Variants in PCCA observed in about 807,000 individuals in gnomAD.
PCCA encodes the protein propionyl-CoA carboxylase alpha chain, mitochondrial.
A neutral mutation model predicts 101.3 loss-of-function variants in PCCA; 74 were observed. The ratio of observed to expected loss-of-function variants is 0.73; its 90% confidence interval spans 0.61 to 0.89. PCCA has a LOEUF of 0.89. Among genes scored for constraint, PCCA ranks in the 40% least tolerant of loss-of-function variants. PCCA has a pLI of 0.00. For missense variants in PCCA, 891 were observed against 907.0 expected, an observed-to-expected ratio of 0.98 and a Z score of 0.23; for synonymous variants, 294 against 313.6, an observed-to-expected ratio of 0.94 and a Z score of 0.66.
intron 12 of PCCA, among the ~76,000 whole-genome samples, chr13:100,281,933 T>C (rs2064155103): frequency 6.6e-6 from 1 of 152,214 alleles, no homozygotes; most frequent in African/African-American, 2.4e-5. Flanking sequence ...TTTTATAAAT[T>C]AGTTAAGTAT....
At chr13:100,416,377 T>G (rs1332736260) in intron 19 of PCCA, among the ~76,000 whole-genome samples, 6 of 152,038 alleles carry the variant, frequency 3.9e-5, no homozygotes, top group Non-Finnish European at 8.8e-5. Flanking sequence ...AGAGAAAGTT[T>G]CACCATGTTG....
intron 1 of PCCA, among the ~76,000 whole-genome samples, chr13:100,101,346 T>G (rs894782493): frequency 6.6e-6 from 1 of 152,200 alleles, no homozygotes. Context: ...CTGTGACCTT[T>G]GAAAAGTTAA....
intron 6 of PCCA, among the ~76,000 whole-genome samples, chr13:100,185,370 T>C (rs2057163951): frequency 6.6e-6 from 1 of 152,058 alleles, no homozygotes; most frequent in African/African-American, 2.4e-5. Context: ...TTTCTTTCTT[T>C]TGACAGTTTT....
rs541506677 is a variant in PCCA at position 100,248,876 on chromosome 13, A to G, written c.638-8719A>G. ...ATCCTCCTGCCTCAGCCTCCTGAGTAGCTGGGATTATGGGCACCCGCCACC... is the reference window on the plus strand; with the variant it reads ...ATCCTCCTGCCTCAGCCTCCTGAGTGGCTGGGATTATGGGCACCCGCCACC... On this transcript the variant is annotated intron_variant, in intron 8 of 23. Transcript: ENST00000376285. Among the ~76,000 whole-genome samples the G allele has an allele frequency of 6.1e-4, 92 of 151,280 alleles. 1 individual carries two copies. Among genetic ancestry groups the G allele is most frequent in the African/African-American group, 2.2e-3 (90 of 41,236 alleles).
intron 19 of PCCA, among the ~76,000 whole-genome samples, chr13:100,388,650 G>A (rs2076646319): frequency 6.6e-6 from 1 of 152,170 alleles, no homozygotes. Context: ...GCAAAAATTA[G>A]CCAGGTGTGG....
chr13:100,527,773 C>G, intron 23 of PCCA, 21 bp downstream of exon 23: 7 of 1,572,120 alleles, frequency 4.5e-6, no homozygotes, highest in Non-Finnish European at 6.1e-6. Context: ...AAGTCCCCAT[C>G]AGCCCAGGCC....
chr13:100,249,696 T>A (rs1374547258), intron 8 of PCCA, among the ~76,000 whole-genome samples: 2 of 152,208 alleles, frequency 1.3e-5, no homozygotes, highest in Non-Finnish European at 2.9e-5. Context: ...TATTGAATCT[T>A]CCTATCCATG....
In PCCA at chr13:100,107,765, G is replaced by A. The variant is rs188807150; in HGVS notation, c.184-4076G>A. 2.6e-3 allele frequency among the ~76,000 whole-genome samples: 395 copies of A among 152,258 alleles called. 2 individuals are homozygous for A. Among genetic ancestry groups the A allele is most frequent in the Non-Finnish European group, 4.0e-3 (272 of 68,026 alleles). ...AGAACTGACTTCGTGGGATTATTAT[G>A]CTAAATATTGTCATCATAGCCATTA... On this transcript the variant is annotated intron_variant, in intron 2 of 23. Coordinates refer to ENST00000376285, the MANE Select transcript of PCCA (RefSeq NM_000282.4).
At chr13:100,218,719 A>G (rs1209251502) in intron 7 of PCCA, among the ~76,000 whole-genome samples, 6 of 152,228 alleles carry the variant, frequency 3.9e-5, no homozygotes, top group Non-Finnish European at 8.8e-5. Context: ...GTTGCATTAT[A>G]TGGCAAAAGT....
At chr13:100,321,586 A>G (rs1265175956) in intron 16 of PCCA, among the ~76,000 whole-genome samples, 1 of 72,718 alleles carries the variant, frequency 1.4e-5, no homozygotes, top group Non-Finnish European at 2.8e-5. Context: ...TGCGCTATAG[A>G]AGATCTGTGT....
chr13:100,246,902 GT>G (rs34860703), intron 8 of PCCA, among the ~76,000 whole-genome samples: 4,183 of 134,812 alleles, frequency 0.031, 159 homozygotes, highest in African/African-American at 0.094. Context: ...CTTCTAGTGA[GT>G]TTTTTTTTTT....
At chr13:100,439,476 C>G (rs538078975) in intron 20 of PCCA, among the ~76,000 whole-genome samples, 1 of 152,184 alleles carries the variant, frequency 6.6e-6, no homozygotes, top group Non-Finnish European at 1.5e-5. Context: ...AACCCCAGAA[C>G]CTTTGTAGTG....
chr13:100,383,774 A>C (rs2253446), intron 19 of PCCA, among the ~76,000 whole-genome samples: 139,998 of 152,226 alleles, frequency 0.92, 64,540 homozygotes, highest in African/African-American at 0.98. Flanking sequence ...GTATTCATAT[A>C]ATTGAAATTA....
intron 21 of PCCA, among the ~76,000 whole-genome samples, chr13:100,515,213 T>C (rs1307013773): frequency 6.6e-6 from 1 of 152,244 alleles, no homozygotes; most frequent in Non-Finnish European, 1.5e-5. Context: ...TTTTAATAAC[T>C]GGAATAGCCC....
At chr13:100,444,872 G>A (rs2080699584) in intron 20 of PCCA, among the ~76,000 whole-genome samples, 2 of 52,756 alleles carry the variant, frequency 3.8e-5, no homozygotes, top group East Asian at 1.3e-3. Flanking sequence ...TTTAAAATTT[G>A]TAATTGGTTT....
At position 100,515,512 on chromosome 13, in the gene PCCA, T is replaced by A; in HGVS notation, c.1985T>A (p.Leu662Gln). Residue 662 changes from leucine (L) to glutamine (Q), a missense_variant, in exon 22 of 24, where the codon CTG (leucine) becomes CAG (glutamine). Coordinates refer to ENST00000376285, the MANE Select transcript of PCCA (RefSeq NM_000282.4). ...EKVTEDTSSV[L>Q]RSPMPGVVVA... ...GTGACTGAGGACACAAGCAGTGTTCTGCGTTCCCCGATGCCCGGAGTGGTG... is the reference window on the plus strand; with the variant it reads ...GTGACTGAGGACACAAGCAGTGTTCAGCGTTCCCCGATGCCCGGAGTGGTG... 6.2e-7 allele frequency: 1 copy of A among 1,614,214 alleles called. No homozygotes were observed. The highest frequency in any genetic ancestry group is 8.5e-7 in the Non-Finnish European group (1 of 1,180,022).
chr13:100,445,788 A>G (rs2080784119), intron 20 of PCCA, among the ~76,000 whole-genome samples: 1 of 152,002 alleles, frequency 6.6e-6, no homozygotes, highest in African/African-American at 2.4e-5. Context: ...TGCATATTAT[A>G]CCACATTCTC....
intron 6 of PCCA, among the ~76,000 whole-genome samples, chr13:100,171,437 T>G (rs542364139): frequency 2.4e-4 from 36 of 152,218 alleles, no homozygotes; most frequent in South Asian, 1.0e-3. Flanking sequence ...TAAGCTGAGA[T>G]TCTAGACAGA....
At chr13:100,388,036 T>C (rs1415287423) in intron 19 of PCCA, among the ~76,000 whole-genome samples, 1 of 152,210 alleles carries the variant, frequency 6.6e-6, no homozygotes, top group East Asian at 1.9e-4. Context: ...CTGAAGAATT[T>C]TATTTAGAAT....
Sources: allele counts gnomAD v4.1 joint callset (sites outside exome capture counted in the v4.1 genomes callset), GRCh38; gene constraint gnomAD v4.1.1; transcripts MANE v1.5; gene names NCBI Gene and HGNC (gene_info 2026-07-23, HGNC 2026-07-21).